The following CLCN5 variants were observed in gnomAD, a reference collection of about 807,000 sequenced individuals.
CLCN5 encodes H(+)/Cl(-) exchange transporter 5.
A neutral mutation model predicts 54.0 loss-of-function variants in CLCN5; 17 were observed. The observed-to-expected ratio is 0.31, with a 90% CI of 0.22 to 0.47. The LOEUF is 0.47. Ranked by LOEUF, CLCN5 falls within the 20% of genes least tolerant of loss-of-function variation. CLCN5 has a pLI of 1.00. For missense variants in CLCN5, 448 were observed against 646.7 expected (o/e 0.69, Z 3.33); for synonymous variants, 222 against 233.0 (o/e 0.95, Z 0.43).
intron 3 of CLCN5, among the ~76,000 whole-genome samples, chrX:49,984,941 T>C (rs1557178126): frequency 9.1e-6 from 1 of 110,357 alleles, no homozygotes; most frequent in Non-Finnish European, 1.9e-5. Flanking sequence ...TTTGGTATAT[T>C]TAGATTCTTT....
intron 2 of CLCN5, among the ~76,000 whole-genome samples, chrX:49,924,145 ATTT>A (rs34424526): frequency 5.8e-4 from 49 of 84,469 alleles, no homozygotes; most frequent in African/African-American, 1.8e-3. Context: ...CCTAGCTCCT[ATTT>A]TTTTTTTTTT....
chrX:49,946,199 T>G (rs1358768132), intron 3 of CLCN5, among the ~76,000 whole-genome samples: 1 of 112,647 alleles, frequency 8.9e-6, no homozygotes, highest in African/African-American at 3.2e-5. Flanking sequence ...TAATAAAACA[T>G]TGTTTGCTAT....
chrX:50,086,616 G>GC lies in CLCN5; in HGVS notation c.1305dup (p.Ile436HisfsTer10). On this transcript the variant is annotated frameshift_variant, in exon 11 of 15. Transcript: ENST00000376091. LOFTEE classifies it high-confidence loss of function. The stretch of plus-strand genomic sequence containing the variant: ...TGTTATAGAGGTACTCGTCGTGACA[G>GC]CCATCACTGCCATCCTGGCTTTCCC... 1 of 1,210,806 alleles carries GC rather than the reference G, an allele frequency of 8.3e-7. No homozygotes were observed. Among genetic ancestry groups the GC allele is most frequent in the Non-Finnish European group, 1.1e-6 (1 of 895,120 alleles).
At chrX:50,005,151 C>G (rs1343450590) in intron 3 of CLCN5, among the ~76,000 whole-genome samples, 7 of 111,431 alleles carry the variant, frequency 6.3e-5, no homozygotes, top group African/African-American at 2.3e-4. Flanking sequence ...TTTGCATAGT[C>G]TGGATTTTTG....
intron 3 of CLCN5, among the ~76,000 whole-genome samples, chrX:49,951,248 T>A (rs1337418541): frequency 1.8e-5 from 2 of 112,191 alleles, no homozygotes; most frequent in Admixed American, 9.5e-5. Context: ...AGGTGGGTGA[T>A]ATCTCATCCT....
Position 50,069,913 on chromosome X carries a change from T to C in CLCN5, c.198T>C (p.Ser66=). ...CGTACAATGGTGGAGGAATAGGTTCTTCAAATAGGATCATGGACTTCTTGG... is the reference window on the plus strand; with the variant it reads ...CGTACAATGGTGGAGGAATAGGTTCCTCAAATAGGATCATGGACTTCTTGG... ...DKSYNGGGIG[S]SNRIMDFLEE... is the part of the protein sequence containing the mutation. Residue 66 remains serine, a synonymous_variant, in exon 5 of 15, where the codon TCT becomes TCC. Transcript: ENST00000376091. 8.3e-7 allele frequency: 1 copy of C among 1,210,245 alleles called. No individual in the cohort carries two copies. Among genetic ancestry groups the C allele is most frequent in the Non-Finnish European group, 1.1e-6 (1 of 894,408 alleles).
In CLCN5 at chrX:49,971,976, G is replaced by A. The variant is rs781899823; in HGVS notation, c.16+46662G>A. Among the ~76,000 whole-genome samples the A allele has an allele frequency of 1.3e-4, 14 of 111,630 alleles. No individual in the cohort carries two copies. The Admixed American group carries it at 1.3e-3, about 11-fold the overall frequency. On this transcript the variant is annotated intron_variant, in intron 3 of 14. Transcript: ENST00000376091. ...ATTATTAGGACTAATTTTTAAGAATGTATTTGGAAATAATTTCAAACTTAT... is the reference window on the plus strand; with the variant it reads ...ATTATTAGGACTAATTTTTAAGAATATATTTGGAAATAATTTCAAACTTAT...
intron 4 of CLCN5, among the ~76,000 whole-genome samples, chrX:50,060,080 C>T (rs1932826173): frequency 9.3e-6 from 1 of 107,856 alleles, no homozygotes; most frequent in Non-Finnish European, 1.9e-5. Flanking sequence ...AGGTTAGGCA[C>T]ATTACCCTCT....
In CLCN5 at chrX:49,952,750, AT is replaced by A. The variant is rs782517133; in HGVS notation, c.16+27438del. On this transcript the variant is annotated intron_variant, in intron 3 of 14. Coordinates refer to ENST00000376091, the MANE Select transcript of CLCN5 (RefSeq NM_001127898.4). ...AAATTAAAAATAAATGTAATATGTT[AT>A]TGTAATATGTATTTAACCAGTTTTA... Among the ~76,000 whole-genome samples the A allele has an allele frequency of 1.5e-4, 17 of 112,399 alleles. No homozygotes were observed. The East Asian group carries it at 3.6e-3, about 24-fold the overall frequency.
At chrX:49,939,717 A>G (rs1307002086) in intron 3 of CLCN5, among the ~76,000 whole-genome samples, 1 of 111,136 alleles carries the variant, frequency 9.0e-6, no homozygotes, top group Non-Finnish European at 1.9e-5. Context: ...GCAACACACC[A>G]ACATGGCACA....
intron 4 of CLCN5, among the ~76,000 whole-genome samples, chrX:50,045,683 G>T: frequency 8.9e-6 from 1 of 112,097 alleles, no homozygotes; most frequent in East Asian, 2.8e-4. Flanking sequence ...CTTTTCATTA[G>T]CCTTTACAGG....
At chrX:49,941,895 A>G (rs1228698994) in intron 3 of CLCN5, among the ~76,000 whole-genome samples, 2 of 98,886 alleles carry the variant, frequency 2.0e-5, no homozygotes, top group Non-Finnish European at 4.1e-5. Context: ...TACCTGCCCA[A>G]TGATATATCT....
At chrX:50,033,787 A>G (rs1162680441) in intron 3 of CLCN5, among the ~76,000 whole-genome samples, 2 of 112,095 alleles carry the variant, frequency 1.8e-5, no homozygotes, top group Non-Finnish European at 3.8e-5. Flanking sequence ...CAAATACAAT[A>G]TATATCTATA....
intron 3 of CLCN5, among the ~76,000 whole-genome samples, chrX:49,952,947 A>T (rs1159325909): frequency 9.7e-6 from 1 of 103,061 alleles, no homozygotes; most frequent in African/African-American, 3.6e-5. Context: ...GTGCAATGGC[A>T]CAATCTCGGC....
chrX:50,006,652 C>T (rs1358891552), intron 3 of CLCN5, among the ~76,000 whole-genome samples: 1 of 111,835 alleles, frequency 8.9e-6, no homozygotes, highest in Non-Finnish European at 1.9e-5. Flanking sequence ...TGAGCCTTCT[C>T]ATTTGCTCCT....
intron 3 of CLCN5, among the ~76,000 whole-genome samples, chrX:49,993,119 T>C (rs896337343): frequency 3.6e-5 from 4 of 111,652 alleles, no homozygotes; most frequent in Non-Finnish European, 7.5e-5. Context: ...TCTTCCTTCC[T>C]TGGCTTGAGC....
intron 4 of CLCN5, among the ~76,000 whole-genome samples, chrX:50,052,313 A>G (rs1280626136): frequency 1.8e-5 from 2 of 111,947 alleles, no homozygotes; most frequent in Admixed American, 9.5e-5. Flanking sequence ...TCTTTAGCCT[A>G]TTGTTATGCT....
At chrX:50,067,580 A>T (rs1933071547) in intron 4 of CLCN5, 1 of 751,525 alleles carries the variant, frequency 1.3e-6, no homozygotes, top group Non-Finnish European at 1.6e-6. Flanking sequence ...CCGCCAGGGA[A>T]CACTGGTAGT....
chrX:50,011,368 A>C (rs192755744), intron 3 of CLCN5, among the ~76,000 whole-genome samples: 10 of 112,552 alleles, frequency 8.9e-5, no homozygotes, highest in Non-Finnish European at 1.7e-4. Context: ...GTAGGGACTC[A>C]TAAACACACT....
Sources: allele counts gnomAD v4.1 joint callset (sites outside exome capture counted in the v4.1 genomes callset), GRCh38; gene constraint gnomAD v4.1.1; transcripts MANE v1.5; gene names NCBI Gene and HGNC (gene_info 2026-07-23, HGNC 2026-07-21).